The following MPP7 variants were observed in gnomAD, a reference collection of about 807,000 sequenced individuals.
The protein encoded by MPP7 is MAGUK p55 subfamily member 7.
MPP7 carries 60 observed loss-of-function variants against 76.5 expected under a neutral mutation model. The observed-to-expected ratio is 0.78, with a 90% CI of 0.64 to 0.97. The LOEUF (loss-of-function observed/expected upper bound fraction) is 0.97, where lower values mean the gene tolerates loss of function less well. Among genes scored for constraint, MPP7 ranks in the 50% least tolerant of loss-of-function variants. The probability of loss-of-function intolerance (pLI) is 0.00; values close to 1 mark genes in which losing one functional copy is unlikely to be tolerated. For missense variants in MPP7, 641 were observed against 694.0 expected, an observed-to-expected ratio of 0.92 and a Z score of 0.86; for synonymous variants, 237 against 244.5, an observed-to-expected ratio of 0.97 and a Z score of 0.29.
intron 1 of MPP7, among the ~76,000 whole-genome samples, chr10:28,282,762 CT>C (rs1440596610): frequency 6.6e-6 from 1 of 151,978 alleles, no homozygotes; most frequent in Non-Finnish European, 1.5e-5. Context: ...ATCTGTGTTA[CT>C]CCTCAGTTCA....
chr10:28,226,753 G>A (rs1385836758), intron 2 of MPP7, among the ~76,000 whole-genome samples: 1 of 151,946 alleles, frequency 6.6e-6, no homozygotes. Flanking sequence ...AAACTACAAA[G>A]ACATCATTAA....
chr10:28,139,099 T>C (rs1175435516), intron 5 of MPP7, among the ~76,000 whole-genome samples: 2 of 152,096 alleles, frequency 1.3e-5, no homozygotes, highest in African/African-American at 4.8e-5. Flanking sequence ...CAAAAGAAAC[T>C]ATTTTAAGGA....
Position 28,238,630 on chromosome 10 carries a change from C to T in MPP7, c.-26G>A. 6.2e-7 allele frequency: 1 copy of T among 1,613,818 alleles called. No individual in the cohort carries two copies. The highest frequency in any genetic ancestry group is 8.5e-7 in the Non-Finnish European group (1 of 1,179,810). On this transcript the variant is annotated 5_prime_UTR_variant, in exon 2 of 17. Transcript: ENST00000683449. Reference sequence around the variant, plus strand: ...GATGCAAGGTGTAGGAACAGGTCAGCCCACCGCTCTCCGGACACCCTGCCT... The same window carrying T: ...GATGCAAGGTGTAGGAACAGGTCAGTCCACCGCTCTCCGGACACCCTGCCT...
intron 1 of MPP7, among the ~76,000 whole-genome samples, chr10:28,301,923 A>G (rs1338793502): frequency 6.6e-6 from 1 of 152,200 alleles, no homozygotes; most frequent in Non-Finnish European, 1.5e-5. Flanking sequence ...GGCAGCAACA[A>G]TTCAAGATAC....
At chr10:28,237,903 C>G (rs1052930910) in intron 2 of MPP7, among the ~76,000 whole-genome samples, 1 of 152,172 alleles carries the variant, frequency 6.6e-6, no homozygotes, top group Non-Finnish European at 1.5e-5. Context: ...CTCAAAGAGG[C>G]ATCTACCACC....
chr10:28,252,232 A>G (rs1839637736), intron 1 of MPP7, among the ~76,000 whole-genome samples: 1 of 152,260 alleles, frequency 6.6e-6, no homozygotes, highest in South Asian at 2.1e-4. Flanking sequence ...CATTATCTTA[A>G]GATCAATTTC....
At chr10:28,248,255 T>C (rs1839501610) in intron 1 of MPP7, among the ~76,000 whole-genome samples, 1 of 152,080 alleles carries the variant, frequency 6.6e-6, no homozygotes, top group South Asian at 2.1e-4. Flanking sequence ...ACCAATTTAG[T>C]GTCAAGAAAT....
At chr10:28,331,753 T>G (rs1444874404) in intron 1 of MPP7, among the ~76,000 whole-genome samples, 1 of 152,066 alleles carries the variant, frequency 6.6e-6, no homozygotes, top group South Asian at 2.1e-4. Flanking sequence ...TTTTGTATTT[T>G]TAGTAAAGAT....
intron 13 of MPP7, among the ~76,000 whole-genome samples, chr10:28,064,786 A>C (rs1424087761): frequency 6.6e-6 from 1 of 152,218 alleles, no homozygotes; most frequent in African/African-American, 2.4e-5. Context: ...CCTGTTCTGC[A>C]GGTGGTGCAC....
rs186951759 is a variant in MPP7, at chr10:28,127,656, G to A, written c.448-2565C>T. Among the ~76,000 whole-genome samples the A allele has an allele frequency of 3.2e-4, 49 of 152,272 alleles. No individual in the cohort carries two copies. In the East Asian group the frequency reaches 8.1e-3, roughly 25 times the overall value. On this transcript the variant is annotated intron_variant, in intron 6 of 16. Coordinates refer to ENST00000683449, the MANE Select transcript of MPP7 (RefSeq NM_001318170.2). ...GAACAGCATGGGAAAGACCTGACCC[G>A]TGATTCAATTATCTCCCACCAGGTC...
chr10:28,053,934 A>G lies in MPP7; in HGVS notation c.*131T>C. On this transcript the variant is annotated 3_prime_UTR_variant, in exon 17 of 17. Coordinates refer to ENST00000683449, the MANE Select transcript of MPP7 (RefSeq NM_001318170.2). ...AAGGCTGTAAAAAGATACAAACAAA[A>G]CCAGCATTCAACTTGAACCAAGATT... 2 of 717,972 alleles carry G rather than the reference A, an allele frequency of 2.8e-6. No individual in the cohort carries two copies. The highest frequency in any genetic ancestry group is 4.8e-6 in the Non-Finnish European group (2 of 418,690). The allele number at this position is 717,972 out of a possible 1,614,324, so 44.5% of individuals were successfully genotyped here. A position where few individuals can be genotyped will look rare whatever the true frequency, so the allele number is the denominator to read the frequency against.
chr10:28,102,589 G>A (rs1256549638), intron 11 of MPP7, among the ~76,000 whole-genome samples: 1 of 152,074 alleles, frequency 6.6e-6, no homozygotes, highest in Non-Finnish European at 1.5e-5. Flanking sequence ...CGCCTCAAAT[G>A]GAATCCCTGA....
At chr10:28,321,814 G>T (rs559635132) in intron 2 of MPP7, among the ~76,000 whole-genome samples, 1 of 152,106 alleles carries the variant, frequency 6.6e-6, no homozygotes, top group Non-Finnish European at 1.5e-5. Context: ...TCGAACTCCT[G>T]GCCTCAGGTG....
rs187068098 is a variant in MPP7, at chr10:28,062,465, C to T, written c.1205-2722G>A. Among the ~76,000 whole-genome samples, 357 of 150,716 alleles carry T rather than the reference C, an allele frequency of 2.4e-3. 1 individual carries two copies. The highest frequency in any genetic ancestry group is 5.8e-3 in the Admixed American group (87 of 15,096). ...AAAAGAAGAAAAATACAATAAAATACAGAAGAGACAAACAGAAAACAAATA... is the reference window on the plus strand; with the variant it reads ...AAAAGAAGAAAAATACAATAAAATATAGAAGAGACAAACAGAAAACAAATA... On this transcript the variant is annotated intron_variant, in intron 13 of 16. Coordinates refer to ENST00000683449, the MANE Select transcript of MPP7 (RefSeq NM_001318170.2).
intron 11 of MPP7, among the ~76,000 whole-genome samples, chr10:28,090,716 C>T (rs764821362): frequency 5.9e-5 from 9 of 152,068 alleles, no homozygotes; most frequent in Non-Finnish European, 8.8e-5. Flanking sequence ...CAAAGCTCAC[C>T]CAGTCAACAA....
chr10:28,107,938 A>G (rs1256100171), intron 11 of MPP7, among the ~76,000 whole-genome samples: 1 of 152,250 alleles, frequency 6.6e-6, no homozygotes, highest in Admixed American at 6.5e-5. Context: ...AAATGAGTAA[A>G]GAATACAATT....
chr10:28,327,231 T>TAAAAAAAAAAAAAAAAAAAAAAAA (rs59442840), intron 2 of MPP7, among the ~76,000 whole-genome samples: 2 of 95,752 alleles, frequency 2.1e-5, no homozygotes, highest in Non-Finnish European at 4.5e-5. Context: ...GTCAAAGAAG[T>TAAAAAAAAAAAAAAAAAAAAAAAA]AAAAAAAAAA....
chr10:28,093,902 T>C (rs1370801567), intron 11 of MPP7, among the ~76,000 whole-genome samples: 3 of 152,192 alleles, frequency 2.0e-5, no homozygotes, highest in Non-Finnish European at 4.4e-5. Flanking sequence ...TACAGAACAG[T>C]TGCTTGATAA....
intron 1 of MPP7, among the ~76,000 whole-genome samples, chr10:28,254,463 CAACTCTTAA>C (rs1476006533): frequency 6.6e-6 from 1 of 152,162 alleles, no homozygotes; most frequent in Non-Finnish European, 1.5e-5. Context: ...ATGGCAAATC[CAACTCTTAA>C]AACAGTACTG....
Sources: gnomAD v4.1 joint callset for allele counts (sites outside exome capture counted in the v4.1 genomes callset) on GRCh38, gnomAD v4.1.1 for gene constraint, MANE v1.5 for transcripts, NCBI Gene and HGNC (gene_info 2026-07-23, HGNC 2026-07-21) for gene names.